The following WNK2 variants were observed in gnomAD, a reference collection of about 807,000 sequenced individuals.
WNK2 encodes the protein WNK lysine deficient protein kinase 2, also known as serine/threonine-protein kinase WNK2.
Under a neutral mutation model 192.1 loss-of-function variants are expected in WNK2, and 67 were observed. The observed-to-expected ratio is 0.35, with a 90% CI of 0.29 to 0.43. The LOEUF (loss-of-function observed/expected upper bound fraction) is 0.43. Ranked by LOEUF, WNK2 falls within the 20% of genes least tolerant of loss-of-function variation. The pLI is 1.00. For missense variants in WNK2, 2,698 were observed against 3,089.7 expected (o/e 0.87, Z 3.01); for synonymous variants, 1,439 against 1,393.9 (o/e 1.03, Z -0.72).
chr9:93,214,540 G>A (rs1361990746), intron 2 of WNK2, among the ~76,000 whole-genome samples: 1 of 152,088 alleles, frequency 6.6e-6, no homozygotes, highest in African/African-American at 2.4e-5. Context: ...CTGACCTTAA[G>A]TGATCTGCCT....
chr9:93,252,200 G>A (rs558194753), intron 8 of WNK2, among the ~76,000 whole-genome samples: 2 of 152,180 alleles, frequency 1.3e-5, no homozygotes, highest in East Asian at 1.9e-4. Flanking sequence ...TGAGAAGCCC[G>A]TGGGCTCTGG....
chr9:93,230,680 G>GA, intron 3 of WNK2, among the ~76,000 whole-genome samples: 1 of 152,366 alleles, frequency 6.6e-6, no homozygotes, highest in Admixed American at 6.5e-5. Context: ...CAAGAGGGTT[G>GA]TGAGCCCACC....
intron 19 of WNK2, among the ~76,000 whole-genome samples, chr9:93,276,749 G>A (rs1588382884): frequency 6.6e-6 from 1 of 152,288 alleles, no homozygotes; most frequent in South Asian, 2.1e-4. Flanking sequence ...TAAAAAATGA[G>A]CAACTTGGCT....
At chr9:93,218,434 C>T (rs1477127847) in intron 2 of WNK2, among the ~76,000 whole-genome samples, 2 of 152,162 alleles carry the variant, frequency 1.3e-5, no homozygotes, top group African/African-American at 4.8e-5. Flanking sequence ...TGGCCTGTGC[C>T]CGCCGGGCTC....
At chr9:93,234,455 T>A (rs1337262710) in intron 4 of WNK2, among the ~76,000 whole-genome samples, 1 of 152,172 alleles carries the variant, frequency 6.6e-6, no homozygotes, top group Non-Finnish European at 1.5e-5. Context: ...TGTGGCAGGA[T>A]CATAGTGTCC....
In WNK2 at chr9:93,257,971, T is replaced by C. The variant is rs2132819627; in HGVS notation, c.2382+832T>C. 6.6e-6 allele frequency among the ~76,000 whole-genome samples: 1 copy of C among 152,348 alleles called. No homozygotes were observed. Among genetic ancestry groups the C allele is most frequent in the East Asian group, 1.9e-4 (1 of 5,188 alleles). On this transcript the variant is annotated intron_variant, in intron 11 of 29. Coordinates refer to ENST00000427277, the MANE Select transcript of WNK2 (RefSeq NM_006648.4). The surrounding 1 kb of genome is among the most constrained non-coding windows in gnomAD (Gnocchi z 4.7). ...ATCAGTGATAAGACTGGAAGTGTGCTTCACTCTAAAGATGGGGCAAGTGAG... is the reference window on the plus strand; with the variant it reads ...ATCAGTGATAAGACTGGAAGTGTGCCTCACTCTAAAGATGGGGCAAGTGAG...
chr9:93,278,493 G>A (rs1378938105), intron 19 of WNK2, among the ~76,000 whole-genome samples: 1 of 152,156 alleles, frequency 6.6e-6, no homozygotes, highest in Non-Finnish European at 1.5e-5. Context: ...CAAAAAAGGC[G>A]CTTGCCTCAG....
chr9:93,306,948 C>T (rs1321786800), intron 27 of WNK2, 127 bp downstream of exon 27: 2 of 1,198,242 alleles, frequency 1.7e-6, no homozygotes, highest in African/African-American at 3.0e-5. Flanking sequence ...GCGCCTGCTC[C>T]ATGCCTCTCG....
rs1343803699 is a variant in WNK2, at chr9:93,261,932, C to T, written c.3185C>T (p.Ala1062Val). The part of the protein sequence containing the change: ...PPLPEVLLPA[A>V]PELLPQFPSS... ...CTGCCGGAAGTGCTGCTGCCTGCCGCCCCTGAGCTCCTGCCTCAGTTCCCC... is the reference window on the plus strand; with the variant it reads ...CTGCCGGAAGTGCTGCTGCCTGCCGTCCCTGAGCTCCTGCCTCAGTTCCCC... Residue 1062 changes from alanine to valine, a missense_variant, in exon 13 of 30, where the codon GCC becomes GTC. Ala to Val is a moderately conservative substitution (Grantham distance 64). This residue lies in a region of WNK2 where 893 missense variants were observed against 909.0 expected (regional missense o/e 0.98). Transcript: ENST00000427277. 2 of 1,609,922 alleles carry T rather than the reference C, an allele frequency of 1.2e-6. No homozygotes were observed. Among genetic ancestry groups the T allele is most frequent in the Admixed American group, 1.7e-5 (1 of 59,974 alleles).
At chr9:93,212,468 C>T (rs1326617596) in intron 2 of WNK2, among the ~76,000 whole-genome samples, 1 of 152,212 alleles carries the variant, frequency 6.6e-6, no homozygotes, top group African/African-American at 2.4e-5. Flanking sequence ...TTATCTTGAG[C>T]CTTCCAGGAT....
At chr9:93,200,457 G>T (rs1301814155) in intron 2 of WNK2, among the ~76,000 whole-genome samples, 1 of 152,232 alleles carries the variant, frequency 6.6e-6, no homozygotes, top group Non-Finnish European at 1.5e-5. Flanking sequence ...GGGGAGCCCA[G>T]TTGCTGGCTG....
intron 29 of WNK2, chr9:93,319,223 A>T: frequency 6.2e-7 from 1 of 1,609,054 alleles, no homozygotes; most frequent in South Asian, 1.1e-5. Context: ...GTGAAACAAC[A>T]TCTTTTTCTT....
intron 19 of WNK2, among the ~76,000 whole-genome samples, chr9:93,286,726 C>T (rs571289507): frequency 3.2e-4 from 49 of 152,158 alleles, no homozygotes; most frequent in Non-Finnish European, 5.6e-4. Flanking sequence ...TTCATTGCAG[C>T]GTTATTCACA....
intron 26 of WNK2, among the ~76,000 whole-genome samples, chr9:93,300,841 C>T (rs1364297958): frequency 6.6e-6 from 1 of 152,204 alleles, no homozygotes; most frequent in Non-Finnish European, 1.5e-5. Flanking sequence ...TGTCATTGCT[C>T]CTCACCCACT....
At chr9:93,240,151 G>A (rs1048778424) in intron 7 of WNK2, among the ~76,000 whole-genome samples, 175 bp downstream of exon 7, 9 of 152,156 alleles carry the variant, frequency 5.9e-5, no homozygotes, top group African/African-American at 1.4e-4. Flanking sequence ...GCCTGGCCAC[G>A]TCTGCCTAGG....
intron 2 of WNK2, among the ~76,000 whole-genome samples, chr9:93,227,638 G>A (rs1043266803): frequency 6.6e-6 from 1 of 152,140 alleles, no homozygotes; most frequent in Non-Finnish European, 1.5e-5. Context: ...ATTAAGAATA[G>A]TTTTTCCCAG....
In WNK2 at chr9:93,292,586, C is replaced by A; in HGVS notation, c.5121C>A (p.Asp1707Glu). Residue 1707 changes from aspartate (D) to glutamate (E), a missense_variant, in exon 23 of 30, where the codon GAC becomes GAA. Asp to Glu is a conservative substitution (Grantham distance 45, BLOSUM62 2). This residue lies in a region of WNK2 where 1,098 missense variants were observed against 1,101.0 expected (regional missense o/e 1.00). Coordinates refer to ENST00000427277, the MANE Select transcript of WNK2 (RefSeq NM_006648.4). ...GESSAEPPPS[D>E]MGTVGGQASH... ...GCTCGGCAGAGCCCCCGCCGAGTGA[C>A]ATGGGCACAGTGGGGGGCCAGGCTA... 1 of 1,579,874 alleles carries A rather than the reference C, an allele frequency of 6.3e-7. No homozygotes were observed. Among genetic ancestry groups the A allele is most frequent in the South Asian group, 1.2e-5 (1 of 86,798 alleles).
In WNK2 at chr9:93,249,536, C is replaced by T. The variant is rs185182198; in HGVS notation, c.1834+1702C>T. On this transcript the variant is annotated intron_variant, in intron 8 of 29. Coordinates refer to ENST00000427277, the MANE Select transcript of WNK2 (RefSeq NM_006648.4). ...TTGCCCAGGCTGGAGTGCAGTGGCG[C>T]GATCTCGGCTCACTGCAAGCTCCGC... Among the ~76,000 whole-genome samples the T allele has an allele frequency of 8.1e-3, 1,229 of 152,222 alleles. 10 individuals are homozygous for T. The highest frequency in any genetic ancestry group is 0.013 in the Non-Finnish European group (884 of 68,014).
intron 5 of WNK2, among the ~76,000 whole-genome samples, chr9:93,237,085 G>A (rs1839941111): frequency 6.6e-6 from 1 of 152,234 alleles, no homozygotes; most frequent in Non-Finnish European, 1.5e-5. Flanking sequence ...GTTCTGAATG[G>A]TAGGAGACCA....
Sources: gnomAD v4.1 joint callset for allele counts (sites outside exome capture counted in the v4.1 genomes callset) on GRCh38, gnomAD v4.1.1 for gene constraint, gnomAD v4.1.1 regional missense constraint, Gnocchi (gnomAD v3.1) non-coding constraint, MANE v1.5 for transcripts, NCBI Gene and HGNC (gene_info 2026-07-23, HGNC 2026-07-21) for gene names.